Variants in SDK1 observed in about 807,000 individuals in gnomAD.
The protein encoded by SDK1 is protein sidekick-1.
SDK1 carries 157 observed loss-of-function variants against 245.5 expected under a neutral mutation model. That is an observed-to-expected ratio of 0.64 (90% CI 0.56 to 0.73). The LOEUF (loss-of-function observed/expected upper bound fraction) is 0.73, where lower values mean the gene tolerates loss of function less well. Among genes scored for constraint, SDK1 ranks in the 30% least tolerant of loss-of-function variants. The pLI, the probability that SDK1 is intolerant of heterozygous loss-of-function variation, is 0.00. For synonymous variants in SDK1, 1,647 were observed against 1,278.5 expected (o/e 1.29, Z -6.15); for missense variants, 3,583 against 3,002.3 (o/e 1.19, Z -4.52).
At chr7:3,381,962 A>C (rs1781498526) in intron 1 of SDK1, among the ~76,000 whole-genome samples, 1 of 152,238 alleles carries the variant, frequency 6.6e-6, no homozygotes, top group Non-Finnish European at 1.5e-5. Flanking sequence ...TATGCACAAA[A>C]GCAGTTAAAA....
chr7:3,545,779 T>G (rs998146037), intron 1 of SDK1, among the ~76,000 whole-genome samples: 1 of 151,898 alleles, frequency 6.6e-6, no homozygotes. Flanking sequence ...TTCTGTTAAT[T>G]TTGGTGCTGT....
chr7:3,705,904 G>C (rs1169128854), intron 4 of SDK1, among the ~76,000 whole-genome samples: 1 of 152,108 alleles, frequency 6.6e-6, no homozygotes, highest in African/African-American at 2.4e-5. Flanking sequence ...TTGGATGTGG[G>C]TTTGCCACAG....
chr7:3,981,687 C>G (rs1423708457), intron 13 of SDK1, among the ~76,000 whole-genome samples: 3 of 152,202 alleles, frequency 2.0e-5, no homozygotes, highest in South Asian at 4.1e-4. Context: ...CCAGCCTCAA[C>G]ATTCCCTTAG....
At chr7:3,701,553 C>T (rs1033191328) in intron 4 of SDK1, among the ~76,000 whole-genome samples, 3 of 151,992 alleles carry the variant, frequency 2.0e-5, no homozygotes, top group East Asian at 1.9e-4. Flanking sequence ...GAGCTATGAT[C>T]GTGCTACAGT....
At chr7:4,247,703 TC>T (rs1309014084) in intron 44 of SDK1, among the ~76,000 whole-genome samples, 1 of 152,348 alleles carries the variant, frequency 6.6e-6, no homozygotes, top group East Asian at 1.9e-4. Context: ...GCTGTGTGTT[TC>T]CAGCACTCAC....
At chr7:3,808,830 A>G (rs1222854742) in intron 4 of SDK1, among the ~76,000 whole-genome samples, 1 of 152,124 alleles carries the variant, frequency 6.6e-6, no homozygotes, top group Non-Finnish European at 1.5e-5. Context: ...TGCCATACCT[A>G]TCGTAGTAGC....
intron 5 of SDK1, among the ~76,000 whole-genome samples, chr7:3,847,448 G>A (rs748772379): frequency 6.6e-6 from 1 of 152,202 alleles, no homozygotes; most frequent in Non-Finnish European, 1.5e-5. Context: ...CTATGCTGAG[G>A]CAGCTGTCTG....
chr7:3,603,466 T>C (rs1194812664), intron 1 of SDK1, among the ~76,000 whole-genome samples: 1 of 151,580 alleles, frequency 6.6e-6, no homozygotes, highest in Non-Finnish European at 1.5e-5. Flanking sequence ...AGTTCACTCA[T>C]GATTTGGCTC....
chr7:3,607,746 G>A (rs2128640965), intron 1 of SDK1, among the ~76,000 whole-genome samples: 1 of 152,342 alleles, frequency 6.6e-6, no homozygotes, highest in East Asian at 1.9e-4. Context: ...TGAAGTTCAA[G>A]ATCCAGCATT....
At chr7:3,420,998 T>C (rs1252202156) in intron 1 of SDK1, among the ~76,000 whole-genome samples, 1 of 152,132 alleles carries the variant, frequency 6.6e-6, no homozygotes, top group Non-Finnish European at 1.5e-5. Context: ...ACTTGGATTG[T>C]TTTATTGTTG....
intron 4 of SDK1, among the ~76,000 whole-genome samples, chr7:3,663,914 A>T (rs192080756): frequency 2.6e-5 from 4 of 152,364 alleles, no homozygotes; most frequent in Non-Finnish European, 5.9e-5. Context: ...GGAATGTATC[A>T]TTGTCACTGT....
chr7:3,852,248 A>G (rs1265592511), intron 5 of SDK1, among the ~76,000 whole-genome samples: 3 of 151,454 alleles, frequency 2.0e-5, no homozygotes, highest in Non-Finnish European at 4.4e-5. Context: ...GTTCTGGCTA[A>G]TATTCCGTAG....
At chr7:3,971,308 C>T (rs1782468102) in intron 11 of SDK1, among the ~76,000 whole-genome samples, 158 bp from the exon 12 acceptor site, 1 of 152,102 alleles carries the variant, frequency 6.6e-6, no homozygotes, top group South Asian at 2.1e-4. Context: ...TTTTTAACTC[C>T]CCTAGCATTT....
At chr7:3,669,050 C>T (rs914704728) in intron 4 of SDK1, among the ~76,000 whole-genome samples, 5 of 152,098 alleles carry the variant, frequency 3.3e-5, no homozygotes, top group African/African-American at 1.2e-4. Context: ...CTTACCAAAG[C>T]TCTTTGAGAG....
At chr7:4,177,467 G>A (rs1285272172) in intron 34 of SDK1, among the ~76,000 whole-genome samples, 1 of 152,218 alleles carries the variant, frequency 6.6e-6, no homozygotes, top group East Asian at 1.9e-4. Context: ...GCCCACGCCC[G>A]TTCTTTCCCA....
intron 1 of SDK1, among the ~76,000 whole-genome samples, chr7:3,401,218 C>T (rs910713845): frequency 6.6e-6 from 1 of 152,134 alleles, no homozygotes; most frequent in Non-Finnish European, 1.5e-5. Context: ...AAGAGGTCTT[C>T]TAGAATAATC....
intron 22 of SDK1, among the ~76,000 whole-genome samples, chr7:4,081,679 A>G (rs1240429495): frequency 6.6e-6 from 1 of 152,038 alleles, no homozygotes; most frequent in Non-Finnish European, 1.5e-5. Context: ...CGGCCTCCCA[A>G]ATCGCTGGGA....
chr7:3,762,919 A>T (rs1476524069), intron 4 of SDK1, among the ~76,000 whole-genome samples: 1 of 152,196 alleles, frequency 6.6e-6, no homozygotes, highest in African/African-American at 2.4e-5. Flanking sequence ...TGTGTGCACA[A>T]GTCTACAACA....
chr7:3,623,245 C>CTTT (rs1183056855), intron 2 of SDK1, among the ~76,000 whole-genome samples: 77 of 117,974 alleles, frequency 6.5e-4, no homozygotes, highest in Non-Finnish European at 7.6e-4. Flanking sequence ...TGTTGTATTT[C>CTTT]TTTTTTTTTT....
Sources: allele counts gnomAD v4.1 joint callset (sites outside exome capture counted in the v4.1 genomes callset), GRCh38; gene constraint gnomAD v4.1.1; transcripts MANE v1.5; gene names NCBI Gene and HGNC (gene_info 2026-07-23, HGNC 2026-07-21).